Variants in GABRB1 observed in about 807,000 individuals in gnomAD.
The protein encoded by GABRB1 is gamma-aminobutyric acid receptor subunit beta-1.
A neutral mutation model predicts 51.6 loss-of-function variants in GABRB1; 17 were observed. The observed-to-expected ratio is 0.33, with a 90% CI of 0.23 to 0.49. GABRB1 has a LOEUF of 0.49. Ranked by LOEUF, GABRB1 falls within the 20% of genes least tolerant of loss-of-function variation. The probability of loss-of-function intolerance (pLI) is 0.99; values close to 1 mark genes in which losing one functional copy is unlikely to be tolerated. For synonymous variants in GABRB1, 247 were observed against 218.9 expected, an observed-to-expected ratio of 1.13 and a Z score of -1.14; for missense variants, 410 against 600.6, an observed-to-expected ratio of 0.68 and a Z score of 3.32.
At chr4:47,339,294 G>A (rs1725802175) in intron 5 of GABRB1, among the ~76,000 whole-genome samples, 1 of 152,182 alleles carries the variant, frequency 6.6e-6, no homozygotes, top group Non-Finnish European at 1.5e-5. Context: ...CTCGAGGAAA[G>A]TAAGCCACAG....
chr4:47,193,804 C>T (rs1336197647), intron 4 of GABRB1, among the ~76,000 whole-genome samples: 1 of 152,070 alleles, frequency 6.6e-6, no homozygotes, highest in African/African-American at 2.4e-5. Context: ...TAAATTAACC[C>T]TCCATTCCAT....
At chr4:47,362,078 C>G (rs73249634) in intron 5 of GABRB1, among the ~76,000 whole-genome samples, 1 of 151,986 alleles carries the variant, frequency 6.6e-6, no homozygotes, top group Admixed American at 6.6e-5. Flanking sequence ...AGAATTGTGA[C>G]AAGGAGCTTC....
At chr4:47,085,967 A>G (rs1029219243) in intron 3 of GABRB1, among the ~76,000 whole-genome samples, 1 of 152,248 alleles carries the variant, frequency 6.6e-6, no homozygotes, top group African/African-American at 2.4e-5. Context: ...AGGTGAAGAA[A>G]TAGACTCCCA....
At chr4:47,345,812 G>GA (rs1307898776) in intron 5 of GABRB1, among the ~76,000 whole-genome samples, 1 of 151,870 alleles carries the variant, frequency 6.6e-6, no homozygotes, top group Non-Finnish European at 1.5e-5. Context: ...ATCCCAAAGG[G>GA]AAAAAAAGAC....
intron 4 of GABRB1, among the ~76,000 whole-genome samples, chr4:47,214,017 C>T (rs1720463851): frequency 6.6e-6 from 1 of 152,104 alleles, no homozygotes; most frequent in Non-Finnish European, 1.5e-5. Context: ...GCATAAATTA[C>T]TCCTGGTGGA....
At chr4:47,028,405 A>G (rs145649381), upstream of GABRB1, among the ~76,000 whole-genome samples, 92 of 151,932 alleles carry the variant, frequency 6.1e-4, no homozygotes, top group African/African-American at 2.1e-3. Flanking sequence ...GCTATCAAAT[A>G]TTAGAGATTC....
intron 5 of GABRB1, among the ~76,000 whole-genome samples, chr4:47,338,047 C>T (rs1161230227): frequency 6.6e-6 from 1 of 152,138 alleles, no homozygotes; most frequent in Non-Finnish European, 1.5e-5. Context: ...TTTGTCATCA[C>T]TGTGATTATT....
intron 4 of GABRB1, among the ~76,000 whole-genome samples, chr4:47,264,675 G>A (rs1375048708): frequency 6.6e-6 from 1 of 152,166 alleles, no homozygotes; most frequent in African/African-American, 2.4e-5. Flanking sequence ...CATTTAATAA[G>A]TGATACATTT....
At chr4:47,127,511 A>G (rs1244473280) in intron 3 of GABRB1, among the ~76,000 whole-genome samples, 1 of 151,624 alleles carries the variant, frequency 6.6e-6, no homozygotes, top group Non-Finnish European at 1.5e-5. Flanking sequence ...CACCGCCACC[A>G]CCATATCTAG....
intron 4 of GABRB1, among the ~76,000 whole-genome samples, chr4:47,242,987 C>A (rs112106929): frequency 1.3e-5 from 2 of 152,034 alleles, no homozygotes; most frequent in Admixed American, 6.6e-5. Flanking sequence ...ATGGTATTGC[C>A]TAGTTTTCTT....
At chr4:47,065,149 T>C (rs1281339000) in intron 3 of GABRB1, among the ~76,000 whole-genome samples, 1 of 152,180 alleles carries the variant, frequency 6.6e-6, no homozygotes, top group Non-Finnish European at 1.5e-5. Flanking sequence ...ACCTCACCAT[T>C]GGGAAAAACT....
intron 5 of GABRB1, among the ~76,000 whole-genome samples, chr4:47,335,256 T>C: frequency 6.6e-6 from 1 of 151,432 alleles, no homozygotes; most frequent in East Asian, 1.9e-4. Context: ...TCACTCAGTA[T>C]CCAGTTATAT....
intron 4 of GABRB1, among the ~76,000 whole-genome samples, chr4:47,269,115 T>C (rs1422954819): frequency 3.9e-5 from 6 of 152,236 alleles, no homozygotes; most frequent in Non-Finnish European, 5.9e-5. Flanking sequence ...ATTTACTTAA[T>C]GATGTTCAGG....
chr4:47,239,260 T>G (rs1331302849), intron 4 of GABRB1, among the ~76,000 whole-genome samples: 2 of 152,202 alleles, frequency 1.3e-5, no homozygotes, highest in Non-Finnish European at 2.9e-5. Context: ...CCAACATCTG[T>G]GAGAGTCATT....
chr4:47,139,988 T>C (rs908133435), intron 3 of GABRB1, among the ~76,000 whole-genome samples: 2 of 151,854 alleles, frequency 1.3e-5, no homozygotes, highest in Non-Finnish European at 2.9e-5. Context: ...AAAATGAAGA[T>C]AGGACAGCAG....
chr4:47,068,745 A>C (rs1276147728), intron 3 of GABRB1, among the ~76,000 whole-genome samples: 2 of 152,228 alleles, frequency 1.3e-5, no homozygotes, highest in South Asian at 4.1e-4. Flanking sequence ...CAGATATAAT[A>C]ATCATGAAAA....
chr4:47,111,969 C>CTTTT (rs372238269), intron 3 of GABRB1, among the ~76,000 whole-genome samples: 5 of 137,808 alleles, frequency 3.6e-5, no homozygotes, highest in Non-Finnish European at 4.6e-5. Flanking sequence ...AAGTAGTATT[C>CTTTT]TTTTTTTTTT....
chr4:47,356,599 C>T (rs1232992882), intron 5 of GABRB1, among the ~76,000 whole-genome samples: 1 of 152,050 alleles, frequency 6.6e-6, no homozygotes, highest in Non-Finnish European at 1.5e-5. Context: ...GTAAAATGGC[C>T]CTTCTGCTGC....
chr4:47,059,453 T>C (rs1726756230), intron 3 of GABRB1, among the ~76,000 whole-genome samples: 1 of 152,216 alleles, frequency 6.6e-6, no homozygotes, highest in South Asian at 2.1e-4. Flanking sequence ...ACTACAGGCA[T>C]GCAACACGGC....
Sources: gnomAD v4.1 joint callset for allele counts (sites outside exome capture counted in the v4.1 genomes callset) on GRCh38, gnomAD v4.1.1 for gene constraint, MANE v1.5 for transcripts, NCBI Gene and HGNC (gene_info 2026-07-23, HGNC 2026-07-21) for gene names.